Variants in ART3 observed in about 807,000 individuals in gnomAD.
ART3 encodes the protein ecto-ADP-ribosyltransferase 3.
A neutral mutation model predicts 48.5 loss-of-function variants in ART3; 49 were observed. The ratio of observed to expected loss-of-function variants is 1.01; its 90% CI spans 0.80 to 1.28. ART3 has a LOEUF of 1.28. Among genes scored for constraint, ART3 ranks in the 50% most tolerant of loss-of-function variants. ART3 has a pLI of 0.00. For missense variants in ART3, 438 were observed against 454.3 expected, an observed-to-expected ratio of 0.96 and a Z score of 0.33; for synonymous variants, 145 against 157.2, an observed-to-expected ratio of 0.92 and a Z score of 0.58.
At chr4:76,109,652 C>T (rs1038537600) in intron 11 of ART3, among the ~76,000 whole-genome samples, 4 of 152,140 alleles carry the variant, frequency 2.6e-5, no homozygotes, top group African/African-American at 4.8e-5. Flanking sequence ...ACCCCAAACA[C>T]GTAATATGTT....
intron 1 of ART3, among the ~76,000 whole-genome samples, chr4:76,036,517 C>T (rs935895235): frequency 1.3e-5 from 2 of 152,030 alleles, no homozygotes; most frequent in Admixed American, 1.3e-4. Context: ...TATTATTTGA[C>T]ACCAGATGAC....
At chr4:76,015,154 A>G (rs925679860) in intron 1 of ART3, among the ~76,000 whole-genome samples, 6 of 152,228 alleles carry the variant, frequency 3.9e-5, no homozygotes, top group Admixed American at 2.0e-4. Flanking sequence ...AAAAACCAGT[A>G]TTATTGCACT....
intron 1 of ART3, among the ~76,000 whole-genome samples, chr4:76,048,877 T>C (rs4541534): frequency 0.59 from 89,574 of 151,528 alleles, 27,621 homozygotes; most frequent in East Asian, 0.94. Context: ...CCTGTTAGTA[T>C]TGGGACTTTA....
At chr4:76,019,302 T>G (rs1193208091) in intron 1 of ART3, among the ~76,000 whole-genome samples, 1 of 151,316 alleles carries the variant, frequency 6.6e-6, no homozygotes, top group Non-Finnish European at 1.5e-5. Context: ...TGGTTAGATT[T>G]TCATGAATTA....
chr4:76,072,807 T>C (rs979565021), upstream of ART3, among the ~76,000 whole-genome samples: 9 of 152,072 alleles, frequency 5.9e-5, no homozygotes, highest in African/African-American at 1.9e-4. Flanking sequence ...GCCTGCTTAC[T>C]ATTCCTCAAA....
At chr4:76,051,074 C>T (rs4345215) in intron 1 of ART3, among the ~76,000 whole-genome samples, 68,448 of 144,522 alleles carry the variant, frequency 0.47, 10,085 homozygotes, top group East Asian at 0.66. Flanking sequence ...GAGCCGGCTC[C>T]GGCCTTGGCC....
chr4:76,072,223 A>G (rs1486312921), upstream of ART3, among the ~76,000 whole-genome samples: 1 of 152,254 alleles, frequency 6.6e-6, no homozygotes, highest in Non-Finnish European at 1.5e-5. Flanking sequence ...TGATATCTTT[A>G]TAGATCATTT....
intron 11 of ART3, among the ~76,000 whole-genome samples, chr4:76,112,150 T>C (rs113045842): frequency 9.8e-5 from 15 of 152,368 alleles, no homozygotes; most frequent in African/African-American, 3.4e-4. Context: ...TAGGTTTTCA[T>C]TGTGTGGGGG....
chr4:76,078,888 G>A (rs1407204737), intron 2 of ART3, among the ~76,000 whole-genome samples: 1 of 152,098 alleles, frequency 6.6e-6, no homozygotes, highest in East Asian at 1.9e-4. Context: ...AGACCATCCT[G>A]GCTAACATGG....
At chr4:76,083,930 A>G (rs1273947597) in intron 3 of ART3, among the ~76,000 whole-genome samples, 1 of 152,160 alleles carries the variant, frequency 6.6e-6, no homozygotes, top group Non-Finnish European at 1.5e-5. Flanking sequence ...CTCCTTCCCA[A>G]TGTACGTCCA....
rs192767931 is a variant in ART3, at chr4:76,107,934, C to G, written c.1036+141C>G. Reference sequence around the variant, plus strand: ...TAATAACAGAGTATAATGTCATATCCAAAAGCTTGTGTGTGCATGTGTGTG... The same window carrying G: ...TAATAACAGAGTATAATGTCATATCGAAAAGCTTGTGTGTGCATGTGTGTG... On this transcript the variant is annotated intron_variant, in intron 11 of 11. Transcript: ENST00000355810. 1,969 of 619,020 alleles carry G rather than the reference C, an allele frequency of 3.2e-3. 7 individuals carry two copies. Among genetic ancestry groups the G allele is most frequent in the Non-Finnish European group, 4.4e-3 (1,659 of 373,738 alleles). 38.3% of individuals were successfully genotyped at this position (619,020 alleles called of 1,614,324 possible). A position where few individuals can be genotyped will look rare whatever the true frequency, so the allele number is the denominator to read the frequency against.
chr4:76,109,885 T>G (rs536218042), intron 11 of ART3, among the ~76,000 whole-genome samples: 1 of 152,220 alleles, frequency 6.6e-6, no homozygotes, highest in African/African-American at 2.4e-5. Context: ...ATATGAAGGC[T>G]TTTACAAATC....
chr4:76,032,829 G>A (rs963224702), intron 1 of ART3, among the ~76,000 whole-genome samples: 4 of 151,614 alleles, frequency 2.6e-5, no homozygotes, highest in Non-Finnish European at 5.9e-5. Context: ...CAGGTGATCC[G>A]CCCGCTTCGG....
At chr4:76,049,565 C>G (rs1735836083) in intron 1 of ART3, among the ~76,000 whole-genome samples, 1 of 151,954 alleles carries the variant, frequency 6.6e-6, no homozygotes, top group African/African-American at 2.4e-5. Context: ...CCCAGACAGC[C>G]TGACACCCAT....
chr4:76,089,223 A>G (rs1724277489), intron 3 of ART3, among the ~76,000 whole-genome samples: 1 of 152,170 alleles, frequency 6.6e-6, no homozygotes, highest in Non-Finnish European at 1.5e-5. Context: ...ATTTTCACAT[A>G]TACTTGCTTT....
At chr4:76,025,288 A>G (rs763737464) in intron 1 of ART3, among the ~76,000 whole-genome samples, 2 of 152,238 alleles carry the variant, frequency 1.3e-5, no homozygotes, top group Non-Finnish European at 2.9e-5. Flanking sequence ...GTCTGACATC[A>G]TGAATGGAAG....
intron 1 of ART3, among the ~76,000 whole-genome samples, chr4:76,065,268 A>T (rs772719703): frequency 7.2e-5 from 11 of 152,186 alleles, no homozygotes; most frequent in Non-Finnish European, 1.2e-4. Flanking sequence ...GAATCATTTA[A>T]TCTTGTGCAT....
At chr4:76,069,482 C>T (rs989841391) in intron 1 of ART3, among the ~76,000 whole-genome samples, 13 of 149,576 alleles carry the variant, frequency 8.7e-5, no homozygotes, top group Non-Finnish European at 1.8e-4. Flanking sequence ...CTTCACCTTC[C>T]GGGTTCAAGC....
chr4:76,105,737 G>A, intron 10 of ART3: 1 of 985,434 alleles, frequency 1.0e-6, no homozygotes. Flanking sequence ...GCAGCAGGCT[G>A]CTATTACGGT....
Sources: gnomAD v4.1 joint callset for allele counts (sites outside exome capture counted in the v4.1 genomes callset) on GRCh38, gnomAD v4.1.1 for gene constraint, MANE v1.5 for transcripts, NCBI Gene and HGNC (gene_info 2026-07-23, HGNC 2026-07-21) for gene names.